MACROD2: variants seen among roughly 807,000 people sequenced by gnomAD.
The protein encoded by MACROD2 is mono-ADP ribosylhydrolase 2, also known as ADP-ribose glycohydrolase MACROD2.
MACROD2 carries 36 observed loss-of-function variants against 70.4 expected under a neutral mutation model. The observed-to-expected ratio is 0.51, with a 90% CI of 0.39 to 0.68. The LOEUF is 0.68. MACROD2 is among the 30% of genes least tolerant of loss of function. The probability of loss-of-function intolerance (pLI) is 0.00; values close to 1 mark genes in which losing one functional copy is unlikely to be tolerated. For missense variants in MACROD2, 496 were observed against 538.4 expected (o/e 0.92, Z 0.78); for synonymous variants, 172 against 178.8 (o/e 0.96, Z 0.30).
chr20:15,714,995 A>G (rs1369283047), intron 8 of MACROD2, among the ~76,000 whole-genome samples: 1 of 152,102 alleles, frequency 6.6e-6, no homozygotes, highest in African/African-American at 2.4e-5. Context: ...CTACTCAATG[A>G]TATATTGTAG....
At chr20:15,561,380 G>T (rs1305730231) in intron 8 of MACROD2, among the ~76,000 whole-genome samples, 1 of 152,192 alleles carries the variant, frequency 6.6e-6, no homozygotes, top group Non-Finnish European at 1.5e-5. Context: ...CTGGCAATTT[G>T]TAGTGATGTT....
At chr20:14,043,714 A>G (rs895788807) in intron 2 of MACROD2, among the ~76,000 whole-genome samples, 1 of 152,194 alleles carries the variant, frequency 6.6e-6, no homozygotes. Context: ...CAGTCAGACA[A>G]CGTAGGTCAG....
In MACROD2 at chr20:14,050,251, A is replaced by G. The variant is rs866790902; in HGVS notation, c.164-35370A>G. On this transcript the variant is annotated intron_variant, in intron 2 of 17. Coordinates refer to ENST00000684519, the MANE Select transcript of MACROD2 (RefSeq NM_001351661.2). ...ATTCTGGAGAAGGCTTCTGGTTGGGATTGGAAAGAGCCTGAGAACTCTATC... is the reference window on the plus strand; with the variant it reads ...ATTCTGGAGAAGGCTTCTGGTTGGGGTTGGAAAGAGCCTGAGAACTCTATC... Among the ~76,000 whole-genome samples the G allele has an allele frequency of 2.2e-4, 33 of 152,198 alleles. No homozygotes were observed. In the Middle Eastern group the frequency reaches 0.01, roughly 47 times the overall value.
At chr20:14,477,577 T>G (rs2084611231) in intron 3 of MACROD2, among the ~76,000 whole-genome samples, 1 of 152,134 alleles carries the variant, frequency 6.6e-6, no homozygotes, top group Non-Finnish European at 1.5e-5. Context: ...TTCTAGGTAT[T>G]TTTTTAAAGA....
At chr20:15,016,961 G>A (rs2075126419) in intron 5 of MACROD2, among the ~76,000 whole-genome samples, 1 of 152,196 alleles carries the variant, frequency 6.6e-6, no homozygotes, top group Non-Finnish European at 1.5e-5. Context: ...TTGAGATTCT[G>A]GTGGGGTCAC....
intron 2 of MACROD2, among the ~76,000 whole-genome samples, chr20:14,015,847 G>A (rs1601115616): frequency 6.6e-6 from 1 of 152,194 alleles, no homozygotes. Flanking sequence ...CACTGTATGT[G>A]TATAGCACAT....
rs532286722 is a variant in MACROD2, at chr20:14,661,535, T to G, written c.302-23308T>G. On this transcript the variant is annotated intron_variant, in intron 4 of 17. Transcript: ENST00000684519. Reference sequence around the variant, plus strand: ...ACTGTGTTGATAGTTTCTTTTGCTCTGCAGAAGCTCTGTAGTTTAATTAGG... The same window carrying G: ...ACTGTGTTGATAGTTTCTTTTGCTCGGCAGAAGCTCTGTAGTTTAATTAGG... 2.6e-5 allele frequency among the ~76,000 whole-genome samples: 4 copies of G among 152,322 alleles called. No homozygotes were observed. In the South Asian group the frequency reaches 8.3e-4, roughly 32 times the overall value.
chr20:14,133,969 T>C (rs6105218), intron 3 of MACROD2, among the ~76,000 whole-genome samples: 151,373 of 152,332 alleles, frequency 0.99, 75,218 homozygotes, highest in East Asian at 1. Flanking sequence ...CAGCTAGAGA[T>C]AACTCTGAAG....
intron 2 of MACROD2, among the ~76,000 whole-genome samples, chr20:14,050,844 A>C (rs2053557460): frequency 6.6e-6 from 1 of 152,200 alleles, no homozygotes; most frequent in Non-Finnish European, 1.5e-5. Flanking sequence ...AAGTTGAAGA[A>C]ACATACTGGA....
At chr20:14,577,817 G>GAGAAGAGAAGAGA (rs1555803942) in intron 4 of MACROD2, among the ~76,000 whole-genome samples, 4 of 151,698 alleles carry the variant, frequency 2.6e-5, no homozygotes, top group Non-Finnish European at 4.4e-5. Context: ...GAGAAGAGAA[G>GAGAAGAGAAGAGA]AGAAGAGAAG....
chr20:15,878,711 G>A (rs901170977), intron 9 of MACROD2, among the ~76,000 whole-genome samples: 3 of 152,052 alleles, frequency 2.0e-5, no homozygotes, highest in Admixed American at 2.0e-4. Context: ...CTGCTCAGAA[G>A]ACAAGTATAA....
chr20:14,387,263 T>C (rs1348139414), intron 3 of MACROD2, among the ~76,000 whole-genome samples: 2 of 152,242 alleles, frequency 1.3e-5, no homozygotes, highest in African/African-American at 4.8e-5. Context: ...ACATTTTGAG[T>C]ATCATAATGT....
intron 3 of MACROD2, among the ~76,000 whole-genome samples, chr20:14,242,448 G>A (rs938665155): frequency 7.9e-5 from 12 of 152,152 alleles, no homozygotes; most frequent in Non-Finnish European, 1.5e-4. Flanking sequence ...TCATATGCCA[G>A]CAGAAGTATA....
At chr20:14,014,097 A>T (rs1052399655) in intron 2 of MACROD2, among the ~76,000 whole-genome samples, 3 of 152,142 alleles carry the variant, frequency 2.0e-5, no homozygotes, top group Non-Finnish European at 4.4e-5. Flanking sequence ...TCTTTTTAAC[A>T]TATTAAATGA....
chr20:15,447,051 C>CGT (rs57914856), intron 7 of MACROD2, among the ~76,000 whole-genome samples: 24,631 of 146,488 alleles, frequency 0.17, 2,220 homozygotes, highest in African/African-American at 0.23. Context: ...TAAGAGTGTG[C>CGT]GTGTGTGTGT....
chr20:15,776,938 A>G (rs926459257), intron 8 of MACROD2, among the ~76,000 whole-genome samples: 1 of 152,216 alleles, frequency 6.6e-6, no homozygotes, highest in Non-Finnish European at 1.5e-5. Flanking sequence ...CATTGCTTAC[A>G]TGAAAAGAAT....
chr20:14,074,355 C>A (rs1355746617), intron 2 of MACROD2, among the ~76,000 whole-genome samples: 1 of 152,020 alleles, frequency 6.6e-6, no homozygotes, highest in Non-Finnish European at 1.5e-5. Context: ...TATTGGATTC[C>A]TGGATCTCTC....
At chr20:15,769,688 C>T (rs932601069) in intron 8 of MACROD2, among the ~76,000 whole-genome samples, 2 of 151,982 alleles carry the variant, frequency 1.3e-5, no homozygotes, top group Non-Finnish European at 1.5e-5. Flanking sequence ...ATATGCAGTC[C>T]GTTATTGACC....
At chr20:15,225,804 G>A (rs1456413342) in intron 5 of MACROD2, among the ~76,000 whole-genome samples, 3 of 152,020 alleles carry the variant, frequency 2.0e-5, no homozygotes, top group East Asian at 3.9e-4. Context: ...TTCCCATCTT[G>A]CCTTATTATA....
Sources: gnomAD v4.1 joint callset for allele counts (sites outside exome capture counted in the v4.1 genomes callset) on GRCh38, gnomAD v4.1.1 for gene constraint, MANE v1.5 for transcripts, NCBI Gene and HGNC (gene_info 2026-07-23, HGNC 2026-07-21) for gene names.